ZNG1B: variants seen among roughly 807,000 people sequenced by gnomAD.
ZNG1B encodes the protein Zn regulated GTPase metalloprotein activator 1B.
the ZNG1B span, among the ~76,000 whole-genome samples, chr2:113,472,791 GTTGTAGATAT>G: frequency 2.6e-5 from 4 of 152,002 alleles, no homozygotes; most frequent in African/African-American, 9.7e-5. Context: ...AGATCAGATA[GTTGTAGATAT>G]GCGGCGTTAT....
the ZNG1B span, among the ~76,000 whole-genome samples, chr2:113,473,026 G>C: frequency 2.0e-5 from 3 of 150,828 alleles, no homozygotes; most frequent in African/African-American, 7.3e-5. Flanking sequence ...TGTGAAGAAA[G>C]TCACTGGTAG....
At chr2:113,462,524 A>G in the ZNG1B span, 2 of 1,582,610 alleles carry the variant, frequency 1.3e-6, no homozygotes, top group Non-Finnish European at 1.7e-6. Flanking sequence ...TTAAGTGCCT[A>G]CAGATCCATG....
the ZNG1B span, among the ~76,000 whole-genome samples, chr2:113,475,109 A>T: frequency 6.7e-6 from 1 of 148,680 alleles, no homozygotes; most frequent in Non-Finnish European, 1.5e-5. Context: ...TCCCATTATT[A>T]TTGTGTGGGA....
the ZNG1B span, among the ~76,000 whole-genome samples, chr2:113,475,720 A>G: frequency 3.2e-4 from 49 of 152,012 alleles, no homozygotes; most frequent in East Asian, 6.4e-3. Context: ...GCTTGTCTGT[A>G]AAGTATTTTA....
chr2:113,462,464 A>G, the ZNG1B span: 1 of 1,598,906 alleles, frequency 6.3e-7, no homozygotes, highest in Non-Finnish European at 8.5e-7. Flanking sequence ...GTTCCAGAAG[A>G]AGATGTAAAG....
the ZNG1B span, among the ~76,000 whole-genome samples, chr2:113,463,401 A>G: frequency 6.6e-6 from 1 of 152,182 alleles, no homozygotes; most frequent in Non-Finnish European, 1.5e-5. Flanking sequence ...TGAATCTGTC[A>G]TCTCAGTTCA....
At chr2:113,443,215 G>A in the ZNG1B span, among the ~76,000 whole-genome samples, 11 of 151,996 alleles carry the variant, frequency 7.2e-5, no homozygotes, top group Admixed American at 2.0e-4. Flanking sequence ...TGATCCGCCC[G>A]CCTTGGCCTC....
chr2:113,477,099 G>C, the ZNG1B span, among the ~76,000 whole-genome samples: 1 of 152,204 alleles, frequency 6.6e-6, no homozygotes, highest in Admixed American at 6.5e-5. Context: ...GGGCAATGGC[G>C]GGCGCCCCTC....
the ZNG1B span, among the ~76,000 whole-genome samples, chr2:113,459,680 A>G: frequency 5.3e-5 from 8 of 151,896 alleles, no homozygotes; most frequent in African/African-American, 1.9e-4. Context: ...AAAAATGTAT[A>G]TAATTTATAA....
chr2:113,462,744 TC>T, the ZNG1B span: 3 of 521,050 alleles, frequency 5.8e-6, no homozygotes, highest in African/African-American at 5.9e-5. Flanking sequence ...ACTCCATCTT[TC>T]TTTTCCTGTC....
the ZNG1B span, among the ~76,000 whole-genome samples, chr2:113,477,897 G>A: frequency 8.5e-5 from 13 of 152,236 alleles, no homozygotes; most frequent in East Asian, 3.9e-4. Flanking sequence ...ATTACCTGAC[G>A]CAAGTGGAAT....
chr2:113,453,789 C>A, the ZNG1B span, among the ~76,000 whole-genome samples: 1 of 143,882 alleles, frequency 7.0e-6, no homozygotes, highest in Non-Finnish European at 1.5e-5. Context: ...TCTGTATCCT[C>A]TGTTGTTTGA....
chr2:113,438,835 G>A, the ZNG1B span, among the ~76,000 whole-genome samples: 24 of 152,214 alleles, frequency 1.6e-4, no homozygotes, highest in Non-Finnish European at 3.2e-4. Context: ...TACTGTTTCC[G>A]GGAAATAATA....
At chr2:113,481,111 G>A in the ZNG1B span, among the ~76,000 whole-genome samples, 9 of 141,328 alleles carry the variant, frequency 6.4e-5, no homozygotes, top group South Asian at 2.2e-4. Context: ...TTTTTGCTGC[G>A]TATGAAGTTC....
chr2:113,486,619 G>A, the ZNG1B span, among the ~76,000 whole-genome samples: 1 of 152,282 alleles, frequency 6.6e-6, no homozygotes, highest in South Asian at 2.1e-4. Context: ...AGCCAGGCAT[G>A]GTGGCATGTA....
the ZNG1B span, among the ~76,000 whole-genome samples, chr2:113,483,381 A>G: frequency 2.3e-4 from 35 of 152,094 alleles, no homozygotes; most frequent in Non-Finnish European, 4.9e-4. Context: ...TTCCTTACGT[A>G]TAAAATCTGT....
chr2:113,446,838 A>G, the ZNG1B span, among the ~76,000 whole-genome samples: 8,119 of 151,720 alleles, frequency 0.054, 583 homozygotes, highest in African/African-American at 0.18. Context: ...AAGTAGGTAA[A>G]TTTTATTCCA....
At chr2:113,442,465 G>A in the ZNG1B span, among the ~76,000 whole-genome samples, 1 of 152,190 alleles carries the variant, frequency 6.6e-6, no homozygotes, top group Non-Finnish European at 1.5e-5. Flanking sequence ...AACAGGATGG[G>A]AAGCCAGTTA....
the ZNG1B span, among the ~76,000 whole-genome samples, chr2:113,461,010 CTT>C: frequency 6.9e-6 from 1 of 145,478 alleles, no homozygotes; most frequent in African/African-American, 2.5e-5. Context: ...TATACAATTT[CTT>C]TGGGATTGAA....
Sources: gnomAD v4.1 joint callset for allele counts (sites outside exome capture counted in the v4.1 genomes callset) on GRCh38, gnomAD v4.1.1 for gene constraint, MANE v1.5 for transcripts, NCBI Gene and HGNC (gene_info 2026-07-23, HGNC 2026-07-21) for gene names.